OBI1: variants seen among roughly 807,000 people sequenced by gnomAD.
OBI1 encodes ring finger protein 219.
Under a neutral mutation model 62.4 loss-of-function variants are expected in OBI1, and 59 were observed. The observed-to-expected ratio is 0.95, with a 90% CI of 0.77 to 1.17. OBI1 has a LOEUF of 1.17. OBI1 is among the 50% of genes most tolerant of loss of function. OBI1 has a pLI of 0.00. For missense variants in OBI1, 875 were observed against 830.9 expected (o/e 1.05, Z -0.65); for synonymous variants, 302 against 292.8 (o/e 1.03, Z -0.32).
intron 1 of OBI1, among the ~76,000 whole-genome samples, chr13:78,657,289 GA>G (rs11402361): frequency 0.011 from 1,587 of 148,156 alleles, 28 homozygotes; most frequent in African/African-American, 0.036. Flanking sequence ...ACCAATACAG[GA>G]AAAAAAAAAC....
At position 78,616,828 on chromosome 13, in the gene OBI1, G is replaced by A; in HGVS notation, c.933C>T (p.His311=). ...GTCTGCTGCTGGAAGGCTTCGCTAG[G>A]TGAGAAGAACTGGAGGTGGATGAGC... is the stretch of plus-strand genomic sequence containing the variant. ...QPGSSTSSSS[H]LAKPSSSRLC... is the part of the protein sequence containing the mutation. The change falls in exon 6 of 6, where the codon CAC becomes CAT. Residue 311 remains histidine, a synonymous_variant. Transcript: ENST00000282003. The A allele has an allele frequency of 1.2e-6, 2 of 1,614,198 alleles. No homozygotes were observed. The highest frequency in any genetic ancestry group is 1.7e-6 in the Non-Finnish European group (2 of 1,180,018).
intron 5 of OBI1, among the ~76,000 whole-genome samples, chr13:78,629,984 G>C (rs941511703): frequency 1.3e-5 from 2 of 152,106 alleles, no homozygotes; most frequent in Admixed American, 1.3e-4. Flanking sequence ...TGGAGAAAAA[G>C]GACTGGGGCT....
chr13:78,642,257 G>A (rs750807551), intron 2 of OBI1, 44 bp from the exon 3 acceptor site: 17 of 1,206,458 alleles, frequency 1.4e-5, no homozygotes, highest in Admixed American at 8.8e-5. Context: ...ATTCTGATTC[G>A]GGAAGAATGA....
Position 78,642,124 on chromosome 13 carries a change from C to G in OBI1, c.298G>C (p.Glu100Gln). Residue 100 changes from glutamate (E) to glutamine (Q), a missense_variant and splice_region_variant, in exon 3 of 6, where the codon GAG becomes CAG. Transcript: ENST00000282003. ...TTTAAACTTTGATTACTGTTTACCT[C>G]ATATTCTTTGTGTAGTAATTCAAGT... ...TRLELLHKEY[E>Q]DEIDCLQKEV... 3 of 1,569,626 alleles carry G rather than the reference C, an allele frequency of 1.9e-6. No homozygotes were observed. In the African/African-American group the frequency reaches 4.1e-5, roughly 21 times the overall value.
rs1282051440 is a variant in OBI1 at position 78,645,000 on chromosome 13, T to C, written c.73-3A>G. On this transcript the variant is annotated splice_polypyrimidine_tract_variant and splice_region_variant and intron_variant, in intron 1 of 5. Coordinates refer to ENST00000282003, the MANE Select transcript of OBI1 (RefSeq NM_024546.4). ...ATGCATATGACAGGCTGACGTACCTTTGAAAAAAGAAATCACTTTTAGTAC... is the reference window on the plus strand; with the variant it reads ...ATGCATATGACAGGCTGACGTACCTCTGAAAAAAGAAATCACTTTTAGTAC... The C allele has an allele frequency of 1.2e-6, 2 of 1,605,092 alleles. No homozygotes were observed. The highest frequency in any genetic ancestry group is 1.7e-5 in the Admixed American group (1 of 57,672).
At chr13:78,629,829 G>A (rs548175424) in intron 5 of OBI1, among the ~76,000 whole-genome samples, 2 of 152,158 alleles carry the variant, frequency 1.3e-5, no homozygotes, top group Admixed American at 1.3e-4. Context: ...TGGATGTAGT[G>A]GAGTCATGCT....
At chr13:78,648,248 T>G (rs958943831) in intron 1 of OBI1, among the ~76,000 whole-genome samples, 3 of 150,904 alleles carry the variant, frequency 2.0e-5, no homozygotes, top group African/African-American at 7.3e-5. Flanking sequence ...ACCAAGAAGA[T>G]ACTGCCTTAT....
intron 5 of OBI1, among the ~76,000 whole-genome samples, chr13:78,622,525 G>A (rs1193496552): frequency 6.6e-6 from 1 of 152,208 alleles, no homozygotes; most frequent in African/African-American, 2.4e-5. Context: ...GGACTTGCCT[G>A]TCTACATAGC....
At chr13:78,622,801 G>T (rs1176330517) in intron 5 of OBI1, among the ~76,000 whole-genome samples, 3 of 152,130 alleles carry the variant, frequency 2.0e-5, no homozygotes, top group Admixed American at 6.6e-5. Context: ...AAATGAAAAG[G>T]TCCTGGTACT....
chr13:78,633,981 G>A (rs923548763), intron 5 of OBI1, among the ~76,000 whole-genome samples: 1 of 151,706 alleles, frequency 6.6e-6, no homozygotes, highest in African/African-American at 2.4e-5. Flanking sequence ...GCAGGAGAAT[G>A]GCGTAAACCC....
At chr13:78,636,229 A>T (rs1191239175) in intron 4 of OBI1, among the ~76,000 whole-genome samples, 2 of 152,176 alleles carry the variant, frequency 1.3e-5, no homozygotes, top group African/African-American at 4.8e-5. Context: ...CACACTGAAA[A>T]CTAGTGTGCT....
Position 78,616,778 on chromosome 13 carries a change from T to G in OBI1, c.983A>C (p.Gln328Pro). The G allele has an allele frequency of 6.2e-7, 1 of 1,614,230 alleles. No individual in the cohort carries two copies. The highest frequency in any genetic ancestry group is 1.7e-5 in the Admixed American group (1 of 60,030). Residue 328 changes from glutamine (Q) to proline (P), a missense_variant, in exon 6 of 6, where the codon CAG (glutamine) becomes CCG (proline). Gln to Pro is a moderately conservative substitution (Grantham distance 76). Coordinates refer to ENST00000282003, the MANE Select transcript of OBI1 (RefSeq NM_024546.4). Reference protein sequence around the residue: ...SRLCDTSSARQESTSKADLNC... With the variant: ...SRLCDTSSARPESTSKADLNC... Reference sequence around the variant, plus strand: ...AAGGTCTGCTTTGCTGGTACTTTCCTGCCTTGCAGAACTGGTGTCACACAG... The same window carrying G: ...AAGGTCTGCTTTGCTGGTACTTTCCGGCCTTGCAGAACTGGTGTCACACAG...
chr13:78,647,434 A>G (rs182273734), intron 1 of OBI1, among the ~76,000 whole-genome samples: 7 of 152,326 alleles, frequency 4.6e-5, no homozygotes, highest in Admixed American at 3.3e-4. Flanking sequence ...CCCCAATGAG[A>G]TGTTTGGGTG....
At chr13:78,630,265 G>T (rs893874188) in intron 5 of OBI1, among the ~76,000 whole-genome samples, 4 of 152,074 alleles carry the variant, frequency 2.6e-5, no homozygotes, top group Admixed American at 6.5e-5. Context: ...TTTTGCTGGG[G>T]TTTTTTTCCT....
chr13:78,646,446 G>T (rs1194128468), intron 1 of OBI1, among the ~76,000 whole-genome samples: 1 of 152,034 alleles, frequency 6.6e-6, no homozygotes, highest in East Asian at 1.9e-4. Context: ...AATATTTTTT[G>T]AAATAGCACA....
intron 1 of OBI1, among the ~76,000 whole-genome samples, chr13:78,650,504 C>A (rs1876514160): frequency 6.6e-6 from 1 of 152,150 alleles, no homozygotes; most frequent in Non-Finnish European, 1.5e-5. Context: ...GCTGACAACT[C>A]CCAAGTCTCC....
At chr13:78,645,418 C>A (rs772355445) in intron 1 of OBI1, among the ~76,000 whole-genome samples, 3 of 152,162 alleles carry the variant, frequency 2.0e-5, no homozygotes, top group Non-Finnish European at 2.9e-5. Context: ...TCAATTCATT[C>A]CACTGTTACA....
At chr13:78,646,933 A>G (rs1201723731) in intron 1 of OBI1, among the ~76,000 whole-genome samples, 3 of 152,226 alleles carry the variant, frequency 2.0e-5, no homozygotes, top group East Asian at 1.9e-4. Flanking sequence ...CTTTGCCCCA[A>G]TCCTGTGCTC....
intron 3 of OBI1, among the ~76,000 whole-genome samples, chr13:78,639,416 T>C (rs1370793266): frequency 1.3e-5 from 2 of 152,130 alleles, no homozygotes; most frequent in Non-Finnish European, 2.9e-5. Flanking sequence ...AGTTCAACCA[T>C]CGTGGAAGTC....
Sources: allele counts gnomAD v4.1 joint callset (sites outside exome capture counted in the v4.1 genomes callset), GRCh38; gene constraint gnomAD v4.1.1; transcripts MANE v1.5; gene names NCBI Gene and HGNC (gene_info 2026-07-23, HGNC 2026-07-21).